RFX3: variants seen among roughly 807,000 people sequenced by gnomAD.
RFX3 encodes the protein transcription factor RFX3.
A neutral mutation model predicts 98.6 loss-of-function variants in RFX3; 14 were observed. The observed-to-expected ratio is 0.14, with a 90% CI of 0.09 to 0.22. RFX3 has a LOEUF of 0.22. RFX3 is among the 10% of genes least tolerant of loss of function. The pLI is 1.00. For missense variants in RFX3, 639 were observed against 926.9 expected, an observed-to-expected ratio of 0.69 and a Z score of 4.03; for synonymous variants, 383 against 328.4, an observed-to-expected ratio of 1.17 and a Z score of -1.80.
chr9:3,389,294 G>C (rs1840040929), intron 2 of RFX3, among the ~76,000 whole-genome samples: 1 of 152,052 alleles, frequency 6.6e-6, no homozygotes, highest in Non-Finnish European at 1.5e-5. Flanking sequence ...TAATCTACAA[G>C]AAACTCTTTA....
chr9:3,454,545 C>T (rs368332276), intron 1 of RFX3, among the ~76,000 whole-genome samples: 5 of 152,260 alleles, frequency 3.3e-5, no homozygotes, highest in South Asian at 4.1e-4. Context: ...AGCATGGACC[C>T]GCTATAAATG....
intron 1 of RFX3, among the ~76,000 whole-genome samples, chr9:3,396,479 T>A (rs1369558730): frequency 6.6e-6 from 1 of 152,198 alleles, no homozygotes; most frequent in Non-Finnish European, 1.5e-5. Flanking sequence ...TTTGCTGTTG[T>A]GAATAGTGCC....
chr9:3,423,326 A>G (rs187339642), intron 1 of RFX3, among the ~76,000 whole-genome samples: 91 of 152,346 alleles, frequency 6.0e-4, no homozygotes, highest in African/African-American at 2.1e-3. Flanking sequence ...TGTCTAAACA[A>G]AGACTTACAA....
intron 1 of RFX3, among the ~76,000 whole-genome samples, chr9:3,523,391 T>G (rs1376485366): frequency 6.6e-6 from 1 of 152,200 alleles, no homozygotes; most frequent in Non-Finnish European, 1.5e-5. Context: ...TTCTCAGTGT[T>G]TCTGATTATT....
At chr9:3,478,593 C>T (rs1363393734) in intron 1 of RFX3, among the ~76,000 whole-genome samples, 1 of 152,112 alleles carries the variant, frequency 6.6e-6, no homozygotes, top group Non-Finnish European at 1.5e-5. Flanking sequence ...TACCTTCAAA[C>T]TTCAGGAAGC....
chr9:3,262,088 G>A (rs574594862), intron 13 of RFX3, among the ~76,000 whole-genome samples: 1 of 152,046 alleles, frequency 6.6e-6, no homozygotes, highest in South Asian at 2.1e-4. Context: ...CACATTCTGT[G>A]GTTTGCCATT....
rs933531138 is a variant in RFX3 at position 3,315,864 on chromosome 9, G to T, written c.475-14244C>A. ...CCTGAATAGACCAATAACAGGTTCC[G>T]AAATTGAGGCAATAACTAATAGCCT... On this transcript the variant is annotated intron_variant, in intron 4 of 16. Transcript: ENST00000617270. Among the ~76,000 whole-genome samples, 31 of 152,208 alleles carry T rather than the reference G, an allele frequency of 2.0e-4. 1 individual carries two copies. The highest frequency in any genetic ancestry group is 7.2e-4 in the African/African-American group (30 of 41,526).
chr9:3,424,125 C>G (rs937074772), intron 1 of RFX3, among the ~76,000 whole-genome samples: 3 of 149,434 alleles, frequency 2.0e-5, no homozygotes, highest in Non-Finnish European at 3.0e-5. Flanking sequence ...CCAGCCTGGG[C>G]GACAGAGGGA....
At chr9:3,346,633 G>C (rs1834469274) in intron 3 of RFX3, 34 bp downstream of exon 3, 1 of 1,295,594 alleles carries the variant, frequency 7.7e-7, no homozygotes, top group Non-Finnish European at 1.1e-6. Context: ...TCTCTGAGTG[G>C]GGGAATTAAA....
intron 4 of RFX3, among the ~76,000 whole-genome samples, chr9:3,306,878 G>C (rs555128795): frequency 6.6e-6 from 1 of 152,170 alleles, no homozygotes; most frequent in Admixed American, 6.6e-5. Context: ...GGGTAAGATT[G>C]GTAATATGGT....
intron 3 of RFX3, among the ~76,000 whole-genome samples, chr9:3,344,184 T>C (rs191511976): frequency 5.3e-5 from 8 of 152,314 alleles, no homozygotes; most frequent in Admixed American, 5.2e-4. Flanking sequence ...TGCATAATTT[T>C]ACAGCAATAA....
intron 13 of RFX3, among the ~76,000 whole-genome samples, chr9:3,261,733 A>C (rs1822921563): frequency 6.6e-6 from 1 of 152,140 alleles, no homozygotes; most frequent in Non-Finnish European, 1.5e-5. Flanking sequence ...ACTGTTTTCC[A>C]AAGTGGCTAC....
At chr9:3,439,948 T>A (rs1334292259) in intron 1 of RFX3, among the ~76,000 whole-genome samples, 1 of 152,008 alleles carries the variant, frequency 6.6e-6, no homozygotes, top group Non-Finnish European at 1.5e-5. Context: ...TGAAAGTTTG[T>A]TTAGGGTTTC....
In RFX3 at chr9:3,270,778, T is replaced by A. The variant is rs544869691; in HGVS notation, c.1202+225A>T. The A allele has an allele frequency of 4.8e-5, 33 of 681,400 alleles. No homozygotes were observed. In the African/African-American group the frequency reaches 5.6e-4, roughly 12 times the overall value. 42.2% of individuals were successfully genotyped at this position (681,400 alleles called of 1,614,324 possible). ...AGATATGATAGTAATTCCATGAGGA[T>A]GAAATAACTACCACAGTCCCCCAAA... On this transcript the variant is annotated intron_variant, in intron 10 of 16. Transcript: ENST00000617270.
At chr9:3,296,654 G>A (rs920683831) in intron 5 of RFX3, among the ~76,000 whole-genome samples, 2 of 152,002 alleles carry the variant, frequency 1.3e-5, no homozygotes, top group African/African-American at 4.8e-5. Flanking sequence ...GCTACGTTTT[G>A]TTCCCTACCC....
chr9:3,357,650 A>G (rs1835933653), intron 2 of RFX3, among the ~76,000 whole-genome samples: 1 of 152,018 alleles, frequency 6.6e-6, no homozygotes, highest in Non-Finnish European at 1.5e-5. Context: ...ATACAGTTAG[A>G]TAAAAGTAGT....
At chr9:3,499,604 G>C (rs1291629503) in intron 1 of RFX3, among the ~76,000 whole-genome samples, 1 of 151,988 alleles carries the variant, frequency 6.6e-6, no homozygotes, top group African/African-American at 2.4e-5. Flanking sequence ...GTCAAATTGT[G>C]GGAAATGGAT....
intron 1 of RFX3, among the ~76,000 whole-genome samples, chr9:3,442,844 T>C (rs1845720510): frequency 6.6e-6 from 1 of 152,180 alleles, no homozygotes; most frequent in African/African-American, 2.4e-5. Flanking sequence ...TTATTAGTTA[T>C]AATGCTAATA....
At chr9:3,392,773 G>C (rs959034145) in intron 2 of RFX3, among the ~76,000 whole-genome samples, 8 of 152,002 alleles carry the variant, frequency 5.3e-5, no homozygotes, top group Non-Finnish European at 1.0e-4. Flanking sequence ...AAATCAGATT[G>C]GTGTTTGGCT....
Sources: gnomAD v4.1 joint callset for allele counts (sites outside exome capture counted in the v4.1 genomes callset) on GRCh38, gnomAD v4.1.1 for gene constraint, MANE v1.5 for transcripts, NCBI Gene and HGNC (gene_info 2026-07-23, HGNC 2026-07-21) for gene names.